Variants in PDE3A observed in about 807,000 individuals in gnomAD.
PDE3A encodes the protein cGMP-inhibited 3',5'-cyclic phosphodiesterase 3A.
Under a neutral mutation model 98.3 loss-of-function variants are expected in PDE3A, and 43 were observed. The observed-to-expected ratio is 0.44, with a 90% CI of 0.34 to 0.56. The LOEUF (loss-of-function observed/expected upper bound fraction) is 0.56, where lower values mean the gene tolerates loss of function less well. PDE3A is among the 20% of genes least tolerant of loss of function. The pLI, the probability that PDE3A is intolerant of heterozygous loss-of-function variation, is 0.01. For synonymous variants in PDE3A, 663 were observed against 567.9 expected, an observed-to-expected ratio of 1.17 and a Z score of -2.38; for missense variants, 1,427 against 1,440.7, an observed-to-expected ratio of 0.99 and a Z score of 0.15.
intron 1 of PDE3A, among the ~76,000 whole-genome samples, chr12:20,438,845 C>G (rs1364700382): frequency 6.6e-6 from 1 of 151,908 alleles, no homozygotes. Flanking sequence ...CTGCAACCTC[C>G]ACTTCCCAGG....
chr12:20,647,048 C>A, intron 12 of PDE3A, 98 bp downstream of exon 12: 1 of 758,816 alleles, frequency 1.3e-6, no homozygotes, highest in Non-Finnish European at 2.3e-6. Flanking sequence ...TAATATAAGC[C>A]AAACTATACA....
At chr12:20,564,081 G>A (rs967845221) in intron 2 of PDE3A, among the ~76,000 whole-genome samples, 7 of 152,034 alleles carry the variant, frequency 4.6e-5, no homozygotes, top group Admixed American at 1.3e-4. Context: ...AAGAGGATGG[G>A]GAGACATTTC....
chr12:20,615,011 T>G (rs1943967986), intron 3 of PDE3A, among the ~76,000 whole-genome samples: 2 of 128,394 alleles, frequency 1.6e-5, no homozygotes, highest in South Asian at 5.1e-4. Context: ...TTTCTTTCTC[T>G]CTTTCTTTTT....
chr12:20,369,608 A>G lies in PDE3A; in HGVS notation c.324A>G (p.Glu108=), dbSNP rs780612303. The G allele has an allele frequency of 1.0e-5, 16 of 1,572,506 alleles. No individual in the cohort carries two copies. Among genetic ancestry groups the G allele is most frequent in the Non-Finnish European group, 1.4e-5 (16 of 1,159,596 alleles). ...AEEEEAAPGA[E]GGVFPGPRGG... is the part of the protein sequence containing the mutation. ...AGGAGGAAGCAGCCCCGGGAGCAGA[A>G]GGGGGCGTCTTCCCGGGGCCTCGGG... Residue 108 remains glutamate, a synonymous_variant, in exon 1 of 16, where the codon GAA becomes GAG. Coordinates refer to ENST00000359062, the MANE Select transcript of PDE3A (RefSeq NM_000921.5).
intron 8 of PDE3A, among the ~76,000 whole-genome samples, chr12:20,635,563 G>A (rs112570588): frequency 0.05 from 7,407 of 148,108 alleles, 622 homozygotes; most frequent in African/African-American, 0.18. Context: ...GCGCAATAGA[G>A]GGAGACTCTG....
intron 15 of PDE3A, among the ~76,000 whole-genome samples, chr12:20,669,347 A>G (rs1945407038): frequency 6.6e-6 from 1 of 152,060 alleles, no homozygotes; most frequent in Non-Finnish European, 1.5e-5. Flanking sequence ...AAATACAGAG[A>G]ACACCACAAA....
chr12:20,419,734 T>C (rs2120748032), intron 1 of PDE3A, among the ~76,000 whole-genome samples: 1 of 72,890 alleles, frequency 1.4e-5, no homozygotes, highest in Non-Finnish European at 2.6e-5. Flanking sequence ...AAATTTAATA[T>C]TGTATTTTTT....
intron 1 of PDE3A, among the ~76,000 whole-genome samples, chr12:20,430,301 G>T (rs1475547829): frequency 6.6e-6 from 1 of 151,996 alleles, no homozygotes; most frequent in Non-Finnish European, 1.5e-5. Flanking sequence ...ATTTTTGAAG[G>T]CCAAATGATT....
intron 1 of PDE3A, among the ~76,000 whole-genome samples, chr12:20,522,330 C>T (rs1311055772): frequency 6.6e-6 from 1 of 152,166 alleles, no homozygotes; most frequent in Non-Finnish European, 1.5e-5. Context: ...GCTAGAAATG[C>T]AAATTCTCAA....
intron 1 of PDE3A, among the ~76,000 whole-genome samples, chr12:20,464,353 A>T (rs1403566326): frequency 6.6e-6 from 1 of 152,218 alleles, no homozygotes; most frequent in Non-Finnish European, 1.5e-5. Flanking sequence ...AGAAAGCAAT[A>T]TATTCACTTA....
At chr12:20,613,793 A>C in intron 3 of PDE3A, 93 bp downstream of exon 3, 1 of 929,324 alleles carries the variant, frequency 1.1e-6, no homozygotes, top group South Asian at 1.6e-5. Context: ...CCATCTGCAG[A>C]TTCATATCAG....
intron 1 of PDE3A, among the ~76,000 whole-genome samples, chr12:20,417,444 G>A (rs74595359): frequency 1.8e-4 from 27 of 152,088 alleles, no homozygotes; most frequent in African/African-American, 4.6e-4. Flanking sequence ...CCATAGCCTC[G>A]AGAGGTAAAA....
At chr12:20,515,111 G>A (rs1340358766) in intron 1 of PDE3A, among the ~76,000 whole-genome samples, 4 of 152,144 alleles carry the variant, frequency 2.6e-5, no homozygotes, top group East Asian at 3.9e-4. Flanking sequence ...CTCAGGGCCC[G>A]TTCAACTCTT....
At chr12:20,527,545 G>A (rs1159378190) in intron 1 of PDE3A, among the ~76,000 whole-genome samples, 2 of 151,972 alleles carry the variant, frequency 1.3e-5, no homozygotes, top group Admixed American at 6.6e-5. Context: ...TACATTTCTT[G>A]GCATCTTTCC....
chr12:20,386,100 A>AAT (rs375826971), intron 1 of PDE3A, among the ~76,000 whole-genome samples: 1 of 17,162 alleles, frequency 5.8e-5, no homozygotes, highest in South Asian at 1.9e-3. Flanking sequence ...AATATATATA[A>AAT]ATATATATAT....
intron 1 of PDE3A, among the ~76,000 whole-genome samples, chr12:20,421,241 T>A (rs1262285522): frequency 6.6e-6 from 1 of 152,210 alleles, no homozygotes; most frequent in Non-Finnish European, 1.5e-5. Context: ...TTCTAATTTT[T>A]TTCAAAAGTG....
chr12:20,449,682 C>T, intron 1 of PDE3A: 1 of 444,940 alleles, frequency 2.2e-6, no homozygotes, highest in Admixed American at 3.4e-5. Flanking sequence ...TAAACTTCAG[C>T]ATTCTTACAG....
At chr12:20,501,171 C>T (rs1386918009) in intron 1 of PDE3A, among the ~76,000 whole-genome samples, 1 of 152,130 alleles carries the variant, frequency 6.6e-6, no homozygotes, top group Non-Finnish European at 1.5e-5. Context: ...AGTTTTTTCT[C>T]TTAATACTAG....
intron 1 of PDE3A, among the ~76,000 whole-genome samples, chr12:20,390,386 T>C (rs1328032646): frequency 6.6e-6 from 1 of 151,220 alleles, no homozygotes; most frequent in African/African-American, 2.4e-5. Flanking sequence ...TAAGAGGGTA[T>C]TGTGAAAGTC....
Sources: allele counts gnomAD v4.1 joint callset (sites outside exome capture counted in the v4.1 genomes callset), GRCh38; gene constraint gnomAD v4.1.1; transcripts MANE v1.5; gene names NCBI Gene and HGNC (gene_info 2026-07-23, HGNC 2026-07-21).